PRKDC: variants seen among roughly 807,000 people sequenced by gnomAD.
PRKDC encodes the protein DNA-dependent protein kinase catalytic subunit.
In PRKDC, 82 loss-of-function variants were observed where a neutral mutation model predicts 486.9. The ratio of observed to expected loss-of-function variants is 0.17; its 90% CI spans 0.14 to 0.20. The LOEUF (loss-of-function observed/expected upper bound fraction) is 0.20. Ranked by LOEUF, PRKDC falls within the 10% of genes least tolerant of loss-of-function variation. The probability of loss-of-function intolerance (pLI) is 1.00; values close to 1 mark genes in which losing one functional copy is unlikely to be tolerated. For synonymous variants in PRKDC, 1,895 were observed against 1,837.0 expected (o/e 1.03, Z -0.81); for missense variants, 4,504 against 5,038.2 (o/e 0.89, Z 3.21).
chr8:47,798,138 T>C lies in PRKDC; in HGVS notation c.10458+99A>G. ...ATTCACAGCTGGCTGGGAAAAGCTA[T>C]AATACATGCACTGCACACACTAACG... On this transcript the variant is annotated intron_variant, in intron 73 of 85. Transcript: ENST00000314191. 5 of 1,232,824 alleles carry C rather than the reference T, an allele frequency of 4.1e-6. No homozygotes were observed. The South Asian group carries it at 5.5e-5, about 14-fold the overall frequency. 76.4% of individuals were successfully genotyped at this position (1,232,824 alleles called of 1,614,324 possible). A position where few individuals can be genotyped will look rare whatever the true frequency, so the allele number is the denominator to read the frequency against.
chr8:47,917,939 G>C (rs1009749940), intron 22 of PRKDC, among the ~76,000 whole-genome samples: 1 of 152,010 alleles, frequency 6.6e-6, no homozygotes, highest in Non-Finnish European at 1.5e-5. Context: ...CAACTTCCTG[G>C]GCACAGGTGA....
At chr8:47,934,160 C>T in intron 14 of PRKDC, 70 bp from the exon 15 acceptor site, 1 of 1,487,228 alleles carries the variant, frequency 6.7e-7, no homozygotes, top group Non-Finnish European at 9.0e-7. Context: ...CCAGAACATG[C>T]TGGTTTTCAG....
At chr8:47,779,150 C>T in intron 80 of PRKDC, 57 bp from the exon 81 acceptor site, 1 of 1,252,226 alleles carries the variant, frequency 8.0e-7, no homozygotes, top group Non-Finnish European at 1.1e-6. Flanking sequence ...TATGTGATTT[C>T]AAAGGCAAAG....
chr8:47,941,761 G>A (rs2090448754), intron 10 of PRKDC, among the ~76,000 whole-genome samples: 1 of 152,212 alleles, frequency 6.6e-6, no homozygotes, highest in African/African-American at 2.4e-5. Context: ...GCAGCATTGA[G>A]GATAGTTCTC....
Position 47,855,287 on chromosome 8 carries a change from T to G in PRKDC, c.6696A>C (p.Arg2232Ser). 6.2e-7 allele frequency: 1 copy of G among 1,603,346 alleles called. No homozygotes were observed. The highest frequency in any genetic ancestry group is 8.5e-7 in the Non-Finnish European group (1 of 1,174,174). Reference sequence around the variant, plus strand: ...GGGTCTTTATAATTTCAAGGTTGTGTCTAAACACAGCTCTTTTTGGATGAA... The same window carrying G: ...GGGTCTTTATAATTTCAAGGTTGTGGCTAAACACAGCTCTTTTTGGATGAA... ...HVFHPKRAVF[R>S]HNLEIIKTLV... The change falls in exon 50 of 86, where the codon AGA (arginine) becomes AGC (serine). Residue 2232 changes from arginine to serine, a missense_variant. Around this residue, in one of 6 missense-constraint regions of PRKDC, gnomAD observed 1,592 missense variants for 1,724.6 expected, o/e 0.92. Coordinates refer to ENST00000314191, the MANE Select transcript of PRKDC (RefSeq NM_006904.7).
At chr8:47,905,058 T>C (rs1478757878) in intron 25 of PRKDC, 82 bp from the exon 26 acceptor site, 3 of 1,026,506 alleles carry the variant, frequency 2.9e-6, no homozygotes, top group Non-Finnish European at 4.4e-6. Context: ...TAAATGCCAT[T>C]TGCAGTATAA....
At position 47,918,312 on chromosome 8, in the gene PRKDC, ACAC is replaced by A. The variant is rs1563802859; in HGVS notation, c.2488_2490del (p.Val830del). The A allele has an allele frequency of 6.3e-7, 1 of 1,593,364 alleles. No homozygotes were observed. The highest frequency in any genetic ancestry group is 8.6e-7 in the Non-Finnish European group (1 of 1,168,468). The stretch of plus-strand genomic sequence containing the variant: ...TTCTTTGTCTTCTTCAGATGCTTTA[ACAC>A]CACTTTATTAAATCCTTTCTGGGCA... On this transcript the variant is annotated inframe_deletion, in exon 22 of 86. Coordinates refer to ENST00000314191, the MANE Select transcript of PRKDC (RefSeq NM_006904.7).
intron 54 of PRKDC, among the ~76,000 whole-genome samples, chr8:47,841,427 T>TCCCAAC (rs1270243107): frequency 7.9e-5 from 12 of 152,216 alleles, no homozygotes; most frequent in Non-Finnish European, 1.2e-4. Flanking sequence ...TCCCAGGCAC[T>TCCCAAC]CCCAACCCCA....
chr8:47,949,192 C>G (rs1488903303), intron 7 of PRKDC, among the ~76,000 whole-genome samples: 1 of 152,202 alleles, frequency 6.6e-6, no homozygotes, highest in Non-Finnish European at 1.5e-5. Flanking sequence ...TGTGATCACA[C>G]CAAGCCCATG....
intron 68 of PRKDC, among the ~76,000 whole-genome samples, chr8:47,809,371 AAATAC>A (rs1305328109): frequency 2.6e-5 from 4 of 152,218 alleles, no homozygotes; most frequent in African/African-American, 9.6e-5. Flanking sequence ...TCATAAAAAT[AAATAC>A]AAGTGGGTAC....
intron 66 of PRKDC, among the ~76,000 whole-genome samples, chr8:47,819,949 T>C (rs180818478): frequency 1.3e-5 from 2 of 152,314 alleles, no homozygotes; most frequent in African/African-American, 4.8e-5. Flanking sequence ...ATACTAAATG[T>C]TATTAATAAA....
At chr8:47,821,398 T>C (rs773030410) in intron 65 of PRKDC, among the ~76,000 whole-genome samples, 19 of 152,332 alleles carry the variant, frequency 1.2e-4, no homozygotes, top group Middle Eastern at 3.4e-3. Flanking sequence ...TATTTTAAAA[T>C]GCATTGCATT....
chr8:47,799,519 G>C, intron 71 of PRKDC, 129 bp from the exon 72 acceptor site: 2 of 945,184 alleles, frequency 2.1e-6, no homozygotes, highest in South Asian at 5.7e-5. Context: ...CTATGGAACT[G>C]GAAAAACAAG....
At chr8:47,833,458 T>C (rs1385339333) in intron 59 of PRKDC, among the ~76,000 whole-genome samples, 3 of 152,040 alleles carry the variant, frequency 2.0e-5, no homozygotes, top group Non-Finnish European at 2.9e-5. Context: ...AAAAGCTGCT[T>C]CCAGCCTCTC....
At chr8:47,905,051 A>G (rs1460182522) in intron 25 of PRKDC, 75 bp from the exon 26 acceptor site, 7 of 1,089,774 alleles carry the variant, frequency 6.4e-6, no homozygotes, top group Non-Finnish European at 9.6e-6. Context: ...TTCCATTTAA[A>G]TGCCATTTGC....
chr8:47,924,767 A>G (rs952151837), intron 21 of PRKDC, among the ~76,000 whole-genome samples: 3 of 152,250 alleles, frequency 2.0e-5, no homozygotes, highest in African/African-American at 4.8e-5. Context: ...ATGCACATAT[A>G]TAACTGGGGA....
rs749856389 is a variant in PRKDC at position 47,898,546 on chromosome 8, C to A, written c.3388G>T (p.Ala1130Ser). ...ATGATGCGGCATAGGTGATCAATGGCATCACAACACTGTTGAATTGTACCT... is the reference window on the plus strand; with the variant it reads ...ATGATGCGGCATAGGTGATCAATGGAATCACAACACTGTTGAATTGTACCT... Reference protein sequence around the residue: ...SLGTIQQCCDAIDHLCRIIEK... With the variant: ...SLGTIQQCCDSIDHLCRIIEK... The change falls in exon 29 of 86, where the codon GCC (alanine) becomes TCC (serine). Residue 1130 changes from alanine (A) to serine (S), a missense_variant. This residue lies in a region of PRKDC where 1,969 missense variants were observed against 2,068.9 expected (regional missense o/e 0.95). Transcript: ENST00000314191. 23 of 1,508,224 alleles carry A rather than the reference C, an allele frequency of 1.5e-5. No individual in the cohort carries two copies. In the East Asian group the frequency reaches 4.4e-4, roughly 29 times the overall value. 93.4% of individuals were successfully genotyped at this position (1,508,224 alleles called of 1,614,324 possible).
Position 47,773,227 on chromosome 8 carries a change from A to T in PRKDC, c.*946T>A, listed in dbSNP as rs1287003971. The T allele has an allele frequency of 8.9e-6, 2 of 224,608 alleles. No individual in the cohort carries two copies. The highest frequency in any genetic ancestry group is 2.2e-5 in the African/African-American group (1 of 44,748). 13.9% of individuals were successfully genotyped at this position (224,608 alleles called of 1,614,324 possible). On this transcript the variant is annotated 3_prime_UTR_variant, in exon 86 of 86. Transcript: ENST00000314191. ...AACAACAAAAAGCTAAAAGCCAATC[A>T]GAAACAGTTTGGGTGTGGAGGACTG...
intron 76 of PRKDC, 83 bp downstream of exon 76, chr8:47,788,823 C>A: frequency 8.0e-7 from 1 of 1,254,890 alleles, no homozygotes; most frequent in Non-Finnish European, 1.0e-6. Flanking sequence ...ACATTTAATA[C>A]AAATATTATT....
Sources: gnomAD v4.1 joint callset for allele counts (sites outside exome capture counted in the v4.1 genomes callset) on GRCh38, gnomAD v4.1.1 for gene constraint, gnomAD v4.1.1 regional missense constraint, MANE v1.5 for transcripts, NCBI Gene and HGNC (gene_info 2026-07-23, HGNC 2026-07-21) for gene names.